Variants in ST3GAL4 observed in about 807,000 individuals in gnomAD.
ST3GAL4 encodes the protein CMP-N-acetylneuraminate-beta-galactosamide-alpha-2,3-sialyltransferase 4.
A neutral mutation model predicts 42.6 loss-of-function variants in ST3GAL4; 24 were observed. The ratio of observed to expected loss-of-function variants is 0.56; its 90% CI spans 0.41 to 0.79. The LOEUF (loss-of-function observed/expected upper bound fraction) is 0.79, where lower values mean the gene tolerates loss of function less well. Ranked by LOEUF, ST3GAL4 falls within the 30% of genes least tolerant of loss-of-function variation. The pLI, the probability that ST3GAL4 is intolerant of heterozygous loss-of-function variation, is 0.00. For missense variants in ST3GAL4, 311 were observed against 430.8 expected (o/e 0.72, Z 2.46); for synonymous variants, 135 against 163.2 (o/e 0.83, Z 1.32).
At chr11:126,395,610 T>C (rs994010612) in intron 1 of ST3GAL4, among the ~76,000 whole-genome samples, 1 of 152,096 alleles carries the variant, frequency 6.6e-6, no homozygotes, top group Non-Finnish European at 1.5e-5. Flanking sequence ...TGGGAGATAA[T>C]TGAATCATGG....
chr11:126,397,212 T>C lies in ST3GAL4; in HGVS notation c.-60-8884T>C. Among the ~76,000 whole-genome samples the C allele has an allele frequency of 6.6e-6, 1 of 152,130 alleles. No homozygotes were observed. Among genetic ancestry groups the C allele is most frequent in the Non-Finnish European group, 1.5e-5 (1 of 68,028 alleles). ...TGTCAGATGTTTGTAAAACATCTGC[T>C]ACATTCTTGGCAGTTTAATAGAATC... On this transcript the variant is annotated intron_variant, in intron 1 of 10. Transcript: ENST00000444328. This position sits in a 1 kb window ranked among gnomAD's most constrained non-coding sequence, Gnocchi z 5.0.
At chr11:126,395,301 T>C (rs1953701404) in intron 1 of ST3GAL4, among the ~76,000 whole-genome samples, 1 of 152,060 alleles carries the variant, frequency 6.6e-6, no homozygotes, top group Non-Finnish European at 1.5e-5. Context: ...GAGAAACATC[T>C]TTGCAAGCAG....
At chr11:126,402,092 A>AGGGGGGGGGG in intron 1 of ST3GAL4, among the ~76,000 whole-genome samples, 1 of 139,098 alleles carries the variant, frequency 7.2e-6, no homozygotes, top group South Asian at 2.4e-4. Flanking sequence ...TTTGGGGGAA[A>AGGGGGGGGGG]GAGGGGAGGT....
In ST3GAL4 at chr11:126,396,014, G is replaced by A. The variant is rs550017778; in HGVS notation, c.-60-10082G>A. 1.5e-3 allele frequency among the ~76,000 whole-genome samples: 229 copies of A among 152,174 alleles called. 2 individuals are homozygous for A. The highest frequency in any genetic ancestry group is 2.6e-3 in the Non-Finnish European group (177 of 68,024). On this transcript the variant is annotated intron_variant, in intron 1 of 10. Coordinates refer to ENST00000444328, the MANE Select transcript of ST3GAL4 (RefSeq NM_001254757.2). The surrounding 1 kb of genome is among the most constrained non-coding windows in gnomAD (Gnocchi z 5.8). ...CATGGGGTTTTGGGGCTGAGGAGGAGTTTTACAGATGACCGGTCTGTTCTT... is the reference window on the plus strand; with the variant it reads ...CATGGGGTTTTGGGGCTGAGGAGGAATTTTACAGATGACCGGTCTGTTCTT...
chr11:126,409,673 C>T lies in ST3GAL4; in HGVS notation c.771+262C>T, dbSNP rs1954432581. Among the ~76,000 whole-genome samples, 1 of 152,110 alleles carries T rather than the reference C, an allele frequency of 6.6e-6. No homozygotes were observed. The highest frequency in any genetic ancestry group is 2.4e-5 in the African/African-American group (1 of 41,424). On this transcript the variant is annotated intron_variant, in intron 9 of 10. Coordinates refer to ENST00000444328, the MANE Select transcript of ST3GAL4 (RefSeq NM_001254757.2). This position sits in a 1 kb window ranked among gnomAD's most constrained non-coding sequence, Gnocchi z 4.9. ...GGCTGGTGTGAGAGGATGGTTTTGG[C>T]AGGCGCTGGTCAGAATTTGTCAACT...
At chr11:126,413,805 T>C (rs1337824567) in intron 10 of ST3GAL4, among the ~76,000 whole-genome samples, 156 bp from the exon 11 acceptor site, 1 of 152,174 alleles carries the variant, frequency 6.6e-6, no homozygotes, top group East Asian at 1.9e-4. Context: ...GCATCCTCCA[T>C]GTTCAGCCAC....
At position 126,386,760 on chromosome 11, in the gene ST3GAL4, C is replaced by T. The variant is rs1258458621; in HGVS notation, c.-60-19336C>T. Among the ~76,000 whole-genome samples, 2 of 152,168 alleles carry T rather than the reference C, an allele frequency of 1.3e-5. No individual in the cohort carries two copies. The highest frequency in any genetic ancestry group is 6.5e-5 in the Admixed American group (1 of 15,280). On this transcript the variant is annotated intron_variant, in intron 1 of 10. Coordinates refer to ENST00000444328, the MANE Select transcript of ST3GAL4 (RefSeq NM_001254757.2). This position sits in a 1 kb window ranked among gnomAD's most constrained non-coding sequence, Gnocchi z 4.7. ...GCTTCCCCTGGGGTGCTTCTGGCAACGCCCAGGTCTGTGCACATCCAGATC... is the reference window on the plus strand; with the variant it reads ...GCTTCCCCTGGGGTGCTTCTGGCAATGCCCAGGTCTGTGCACATCCAGATC...
chr11:126,401,854 T>G (rs1954011552), intron 1 of ST3GAL4, among the ~76,000 whole-genome samples: 1 of 151,232 alleles, frequency 6.6e-6, no homozygotes, highest in South Asian at 2.1e-4. Flanking sequence ...GAGGGTGTAG[T>G]AGAGGGGAAG....
chr11:126,390,033 ATT>A, intron 1 of ST3GAL4, among the ~76,000 whole-genome samples: 2 of 150,778 alleles, frequency 1.3e-5, no homozygotes, highest in Non-Finnish European at 3.0e-5. Flanking sequence ...AAAAAAAAAA[ATT>A]AGCTGGGCGC....
chr11:126,371,756 C>G (rs972147048), intron 1 of ST3GAL4, among the ~76,000 whole-genome samples: 1 of 152,148 alleles, frequency 6.6e-6, no homozygotes, highest in African/African-American at 2.4e-5. Context: ...ATGGGGTGTC[C>G]CGTACAAGGG....
chr11:126,374,365 T>C (rs764706114), intron 1 of ST3GAL4, among the ~76,000 whole-genome samples: 1 of 150,190 alleles, frequency 6.7e-6, no homozygotes, highest in Middle Eastern at 3.5e-3. Context: ...GGCACGAGAA[T>C]TGCTTGAACC....
intron 1 of ST3GAL4, among the ~76,000 whole-genome samples, chr11:126,360,802 C>A (rs1458104147): frequency 6.6e-6 from 1 of 152,208 alleles, no homozygotes; most frequent in Non-Finnish European, 1.5e-5. Flanking sequence ...TCAATAGATT[C>A]TTGTGTGATG....
rs1029127870 is a variant in ST3GAL4 at position 126,383,291 on chromosome 11, G to A, written c.-60-22805G>A. 2.4e-4 allele frequency among the ~76,000 whole-genome samples: 36 copies of A among 152,212 alleles called. No individual in the cohort carries two copies. The highest frequency in any genetic ancestry group is 5.2e-4 in the Admixed American group (8 of 15,284). On this transcript the variant is annotated intron_variant, in intron 1 of 10. Transcript: ENST00000444328. The surrounding 1 kb of genome is among the most constrained non-coding windows in gnomAD (Gnocchi z 4.5). ...GTGACTTTGGAGGAACGAGGTTCCT[G>A]AGGGCTGGCACAGCCACTCCCTGCC... is the stretch of plus-strand genomic sequence containing the variant.
At chr11:126,381,261 T>TC (rs1057239998) in intron 1 of ST3GAL4, among the ~76,000 whole-genome samples, 6 of 151,794 alleles carry the variant, frequency 4.0e-5, no homozygotes, top group Admixed American at 2.0e-4. Flanking sequence ...CCAGTGTTCA[T>TC]CCCCCCACCT....
At position 126,409,692 on chromosome 11, in the gene ST3GAL4, G is replaced by T. The variant is rs1023859326; in HGVS notation, c.771+281G>T. On this transcript the variant is annotated intron_variant, in intron 9 of 10. Transcript: ENST00000444328. This position sits in a 1 kb window ranked among gnomAD's most constrained non-coding sequence, Gnocchi z 4.9. The stretch of plus-strand genomic sequence containing the variant: ...TTTTGGCAGGCGCTGGTCAGAATTT[G>T]TCAACTGGGGAGCTGCTGGAACAGT... Among the ~76,000 whole-genome samples the T allele has an allele frequency of 3.3e-5, 5 of 152,178 alleles. No homozygotes were observed. The highest frequency in any genetic ancestry group is 1.2e-4 in the African/African-American group (5 of 41,442).
chr11:126,389,455 G>A, intron 1 of ST3GAL4, among the ~76,000 whole-genome samples: 1 of 152,138 alleles, frequency 6.6e-6, no homozygotes, highest in African/African-American at 2.4e-5. Flanking sequence ...GTGTCAACCT[G>A]TATTTCATTC....
In ST3GAL4 at chr11:126,413,565, A is replaced by G. The variant is rs781034220; in HGVS notation, c.832A>G (p.Ile278Val). 2 of 1,614,126 alleles carry G rather than the reference A, an allele frequency of 1.2e-6. No individual in the cohort carries two copies. The highest frequency in any genetic ancestry group is 1.7e-6 in the Non-Finnish European group (2 of 1,180,060). The stretch of plus-strand genomic sequence containing the variant: ...CCTCCACCTCTGTGACTTGGTGCAC[A>G]TTGCCGGCTTTGGCTACCCAGACGC... The part of the protein sequence containing the change: ...LALHLCDLVH[I>V]AGFGYPDAYN... Residue 278 changes from isoleucine (I) to valine (V), a missense_variant, in exon 10 of 11, where the codon ATT becomes GTT. Ile to Val is a conservative substitution (Grantham distance 29). Coordinates refer to ENST00000444328, the MANE Select transcript of ST3GAL4 (RefSeq NM_001254757.2).
intron 1 of ST3GAL4, among the ~76,000 whole-genome samples, chr11:126,390,751 TGTGCTACC>T (rs1408903431): frequency 1.3e-5 from 2 of 152,008 alleles, no homozygotes; most frequent in African/African-American, 4.8e-5. Flanking sequence ...ACTTTCAGAA[TGTGCTACC>T]GTGCTACCAT....
intron 9 of ST3GAL4, among the ~76,000 whole-genome samples, chr11:126,412,104 CG>C (rs201737003): frequency 3.3e-5 from 5 of 151,642 alleles, no homozygotes; most frequent in African/African-American, 1.2e-4. Context: ...CGGTAGGGGG[CG>C]GGGGGTGGTA....
Sources: allele counts gnomAD v4.1 joint callset (sites outside exome capture counted in the v4.1 genomes callset), GRCh38; gene constraint gnomAD v4.1.1; non-coding constraint Gnocchi (gnomAD v3.1); transcripts MANE v1.5; gene names NCBI Gene and HGNC (gene_info 2026-07-23, HGNC 2026-07-21).